RNF43: variants seen among roughly 807,000 people sequenced by gnomAD.
RNF43 encodes the protein ring finger protein 43, also known as E3 ubiquitin-protein ligase RNF43.
A neutral mutation model predicts 78.4 loss-of-function variants in RNF43; 37 were observed. The observed-to-expected ratio is 0.47, with a 90% CI of 0.36 to 0.62. The LOEUF (loss-of-function observed/expected upper bound fraction) is 0.62. Among genes scored for constraint, RNF43 ranks in the 20% least tolerant of loss-of-function variants. RNF43 has a pLI of 0.00. For missense variants in RNF43, 774 were observed against 1,007.9 expected, an observed-to-expected ratio of 0.77 and a Z score of 3.14; for synonymous variants, 347 against 395.0, an observed-to-expected ratio of 0.88 and a Z score of 1.44.
Position 58,415,834 on chromosome 17 carries a change from G to C in RNF43, c.-257C>G, listed in dbSNP as rs1974111596. ...TGTCATTTTCTCCCATCTTCACTGT[G>C]ACTAGTAAAGATCTCACCACTTCTC... On this transcript the variant is annotated 5_prime_UTR_variant, in exon 2 of 10. Transcript: ENST00000407977. 1.9e-6 allele frequency: 1 copy of C among 535,642 alleles called. No homozygotes were observed. Among genetic ancestry groups the C allele is most frequent in the Non-Finnish European group, 3.4e-6 (1 of 298,182 alleles). The allele number at this position is 535,642 out of a possible 1,614,324, so 33.2% of individuals were successfully genotyped here.
At chr17:58,356,547 G>A (rs1240070884) in intron 9 of RNF43, among the ~76,000 whole-genome samples, 1 of 152,144 alleles carries the variant, frequency 6.6e-6, no homozygotes, top group African/African-American at 2.4e-5. Flanking sequence ...AGAAATTAAG[G>A]TCAGTCTTAT....
intron 9 of RNF43, chr17:58,356,995 G>A (rs989939537): frequency 8.2e-6 from 4 of 488,720 alleles, no homozygotes; most frequent in Non-Finnish European, 1.5e-5. Flanking sequence ...TTAGGTTCAC[G>A]CGATTCTCCT....
rs750166348 is a variant in RNF43, at chr17:58,357,852, A to C, written c.1924T>G (p.Leu642Val). Reference sequence around the variant, plus strand: ...CGGGCAGAGAGGCTGGATTTTTGCAAGTTGAACAGACTGCTGGTACTGGGG... The same window carrying C: ...CGGGCAGAGAGGCTGGATTTTTGCACGTTGAACAGACTGCTGGTACTGGGG... ...ICPSTSSLFNLQKSSLSARHP... is the reference protein window; with the variant it reads ...ICPSTSSLFNVQKSSLSARHP... Residue 642 changes from leucine to valine, a missense_variant, in exon 9 of 10, where the codon TTG becomes GTG. Leu to Val is a conservative substitution (Grantham distance 32). Coordinates refer to ENST00000407977, the MANE Select transcript of RNF43 (RefSeq NM_017763.6). This position sits in a 1 kb window ranked among gnomAD's most constrained non-coding sequence, Gnocchi z 4.5. 1 of 1,613,968 alleles carries C rather than the reference A, an allele frequency of 6.2e-7. No homozygotes were observed.
At chr17:58,389,540 T>C (rs1429923243) in intron 2 of RNF43, among the ~76,000 whole-genome samples, 1 of 152,208 alleles carries the variant, frequency 6.6e-6, no homozygotes, top group Non-Finnish European at 1.5e-5. Flanking sequence ...TTCTAGGCAG[T>C]TTCCTTACTA....
intron 3 of RNF43, among the ~76,000 whole-genome samples, chr17:58,367,014 A>C (rs1300508150): frequency 1.8e-5 from 1 of 55,558 alleles, no homozygotes; most frequent in African/African-American, 9.8e-5. Context: ...TTTTTTTTTG[A>C]GACGGAGTCT....
rs140631331 is a variant in RNF43 at position 58,356,634 on chromosome 17, G to A, written c.2308+834C>T. Among the ~76,000 whole-genome samples the A allele has an allele frequency of 6.2e-4, 95 of 152,228 alleles. No homozygotes were observed. The East Asian group carries it at 0.017, about 28-fold the overall frequency. On this transcript the variant is annotated intron_variant, in intron 9 of 9. Transcript: ENST00000407977. ...AGAGAAGAAAACCTAAGGCTCCACA[G>A]GGCTGCTGGGAACCACCTGTGGTTT...
intron 2 of RNF43, among the ~76,000 whole-genome samples, chr17:58,403,367 T>C (rs991977132): frequency 6.6e-6 from 1 of 152,202 alleles, no homozygotes; most frequent in African/African-American, 2.4e-5. Flanking sequence ...CAAGGATCTT[T>C]GATTATAAAA....
chr17:58,410,382 G>A (rs1974004496), intron 2 of RNF43, among the ~76,000 whole-genome samples: 1 of 152,198 alleles, frequency 6.6e-6, no homozygotes. Flanking sequence ...ACCTAAGAAT[G>A]TTTGTGCGCA....
At chr17:58,364,778 A>G (rs1366346007) in intron 3 of RNF43, among the ~76,000 whole-genome samples, 1 of 152,262 alleles carries the variant, frequency 6.6e-6, no homozygotes, top group Non-Finnish European at 1.5e-5. Context: ...AAGAAGAGCC[A>G]GCGCTGGGAC....
At chr17:58,359,011 T>C (rs554153137) in intron 8 of RNF43, among the ~76,000 whole-genome samples, 188 bp from the exon 9 acceptor site, 1 of 152,306 alleles carries the variant, frequency 6.6e-6, no homozygotes, top group East Asian at 1.9e-4. Flanking sequence ...TCAGGTTGCC[T>C]GCCCTGGGAG....
In RNF43 at chr17:58,357,736, A is replaced by T. The variant is rs2143392166; in HGVS notation, c.2040T>A (p.Ile680=). Residue 680 remains isoleucine, a synonymous_variant, in exon 9 of 10, where the codon ATT becomes ATA. Transcript: ENST00000407977. This position sits in a 1 kb window ranked among gnomAD's most constrained non-coding sequence, Gnocchi z 4.5. ...QDATVHPACQ[I]FPHYTPSVAY... is the part of the protein sequence containing the mutation. The stretch of plus-strand genomic sequence containing the variant: ...CCACACTGGGGGTGTAATGGGGAAA[A>T]ATCTGGCAAGCTGGGTGCACAGTTG... 3 of 1,612,110 alleles carry T rather than the reference A, an allele frequency of 1.9e-6. No individual in the cohort carries two copies. The highest frequency in any genetic ancestry group is 2.5e-6 in the Non-Finnish European group (3 of 1,179,048).
chr17:58,360,084 C>T lies in RNF43; in HGVS notation c.952+65G>A. ...CAGCTTCAAGGCTGCAACCCTTTCC[C>T]AAAGGGAAGCCACATTCTAGACCTG... On this transcript the variant is annotated intron_variant, in intron 8 of 9. Transcript: ENST00000407977. The surrounding 1 kb of genome is among the most constrained non-coding windows in gnomAD (Gnocchi z 4.3). 7.6e-7 allele frequency: 1 copy of T among 1,307,778 alleles called. No homozygotes were observed. Among genetic ancestry groups the T allele is most frequent in the Non-Finnish European group, 1.1e-6 (1 of 906,352 alleles). 81.0% of individuals were successfully genotyped at this position (1,307,778 alleles called of 1,614,324 possible). A position where few individuals can be genotyped will look rare whatever the true frequency, so the allele number is the denominator to read the frequency against.
At chr17:58,363,148 T>C (rs1003393811) in intron 5 of RNF43, 127 bp downstream of exon 5, 3 of 1,175,726 alleles carry the variant, frequency 2.6e-6, no homozygotes, top group Admixed American at 4.9e-5. Context: ...AGCTGATGGA[T>C]GAAGTTGGAC....
At chr17:58,414,963 A>G (rs1023108637) in intron 2 of RNF43, among the ~76,000 whole-genome samples, 1 of 152,248 alleles carries the variant, frequency 6.6e-6, no homozygotes, top group Non-Finnish European at 1.5e-5. Flanking sequence ...CTTCAATTTA[A>G]ACAGGATGTA....
intron 2 of RNF43, among the ~76,000 whole-genome samples, chr17:58,396,572 A>C (rs1050717168): frequency 6.6e-6 from 1 of 152,194 alleles, no homozygotes; most frequent in Non-Finnish European, 1.5e-5. Flanking sequence ...TCCATTTTAC[A>C]TGTAACCATG....
chr17:58,415,840 T>A lies in RNF43; in HGVS notation c.-263A>T, dbSNP rs530161473. On this transcript the variant is annotated 5_prime_UTR_variant, in exon 2 of 10. Coordinates refer to ENST00000407977, the MANE Select transcript of RNF43 (RefSeq NM_017763.6). The stretch of plus-strand genomic sequence containing the variant: ...TTTCTCCCATCTTCACTGTGACTAG[T>A]AAAGATCTCACCACTTCTCTTTGGA... 1 of 525,464 alleles carries A rather than the reference T, an allele frequency of 1.9e-6. No homozygotes were observed. The highest frequency in any genetic ancestry group is 3.4e-6 in the Non-Finnish European group (1 of 292,264). The allele number at this position is 525,464 out of a possible 1,614,324, so 32.6% of individuals were successfully genotyped here. A position where few individuals can be genotyped will look rare whatever the true frequency, so the allele number is the denominator to read the frequency against.
rs774981159 is a variant in RNF43 at position 58,360,264 on chromosome 17, A to G, written c.850-13T>C. The G allele has an allele frequency of 1.2e-5, 19 of 1,606,598 alleles. No homozygotes were observed. Among genetic ancestry groups the G allele is most frequent in the African/African-American group, 5.3e-5 (4 of 74,790 alleles). ...TGACCCGTAGCTCCTGGAGAAAAAG[A>G]GGGGGTCCAAACCAAAGGCTTCTGT... On this transcript the variant is annotated splice_polypyrimidine_tract_variant and intron_variant, in intron 7 of 9. Transcript: ENST00000407977. The surrounding 1 kb of genome is among the most constrained non-coding windows in gnomAD (Gnocchi z 4.3).
In RNF43 at chr17:58,363,386, C is replaced by A. The variant is rs532357871; in HGVS notation, c.471G>T (p.Leu157=). Residue 157 remains leucine, a synonymous_variant, in exon 5 of 10, where the codon CTG becomes CTT. Coordinates refer to ENST00000407977, the MANE Select transcript of RNF43 (RefSeq NM_017763.6). The part of the protein sequence containing the change: ...AAEQLQQPLG[L]TWPVVLIWGN... Reference sequence around the variant, plus strand: ...CCCAGATCAACACCACTGGCCAGGTCAGCCCCAGCGGCTGCTGCAGCTACA... The same window carrying A: ...CCCAGATCAACACCACTGGCCAGGTAAGCCCCAGCGGCTGCTGCAGCTACA... 2.1e-5 allele frequency: 34 copies of A among 1,614,190 alleles called. No homozygotes were observed. The African/African-American group carries it at 3.3e-4, about 16-fold the overall frequency.
intron 2 of RNF43, among the ~76,000 whole-genome samples, chr17:58,378,449 GT>G (rs557318689): frequency 0.011 from 1,690 of 151,954 alleles, 15 homozygotes; most frequent in South Asian, 0.018. Flanking sequence ...TAGAGACAAG[GT>G]TTCACCATAT....
Sources: allele counts gnomAD v4.1 joint callset (sites outside exome capture counted in the v4.1 genomes callset), GRCh38; gene constraint gnomAD v4.1.1; non-coding constraint Gnocchi (gnomAD v3.1); transcripts MANE v1.5; gene names NCBI Gene and HGNC (gene_info 2026-07-23, HGNC 2026-07-21).